The following EPB41L2 variants were observed in gnomAD, a reference collection of about 807,000 sequenced individuals.
EPB41L2 encodes the protein erythrocyte membrane protein band 4.1 like 2, also known as band 4.1-like protein 2.
In EPB41L2, 43 loss-of-function variants were observed where a neutral mutation model predicts 113.0. The observed-to-expected ratio is 0.38, with a 90% CI of 0.30 to 0.49. The LOEUF (loss-of-function observed/expected upper bound fraction) is 0.49. Among genes scored for constraint, EPB41L2 ranks in the 20% least tolerant of loss-of-function variants. EPB41L2 has a pLI of 0.95. For missense variants in EPB41L2, 1,147 were observed against 1,223.4 expected, an observed-to-expected ratio of 0.94 and a Z score of 0.93; for synonymous variants, 442 against 436.7, an observed-to-expected ratio of 1.01 and a Z score of -0.15.
At chr6:130,912,315 G>A (rs916113137) in intron 4 of EPB41L2, among the ~76,000 whole-genome samples, 1 of 152,176 alleles carries the variant, frequency 6.6e-6, no homozygotes, top group Non-Finnish European at 1.5e-5. Context: ...TTAGTACACA[G>A]AAAATAACCT....
intron 12 of EPB41L2, chr6:130,882,092 C>T (rs1219191919): frequency 6.6e-6 from 1 of 152,100 alleles, no homozygotes; most frequent in Non-Finnish European, 1.5e-5. Context: ...CAGTTATGTC[C>T]ACTGCATCCT....
intron 1 of EPB41L2, among the ~76,000 whole-genome samples, chr6:131,010,997 T>G (rs896058181): frequency 6.6e-6 from 1 of 152,178 alleles, no homozygotes; most frequent in Non-Finnish European, 1.5e-5. Context: ...GCACCCTGAC[T>G]TTTCATCAGC....
chr6:130,968,379 G>T (rs1315057966), intron 1 of EPB41L2, among the ~76,000 whole-genome samples: 2 of 152,188 alleles, frequency 1.3e-5, no homozygotes, highest in African/African-American at 4.8e-5. Context: ...GCTTTGGAAT[G>T]CTGTAGTCAA....
intron 1 of EPB41L2, among the ~76,000 whole-genome samples, chr6:130,996,320 T>C (rs1783088258): frequency 6.6e-6 from 1 of 152,204 alleles, no homozygotes. Context: ...AACCCCTGTG[T>C]ACCTCTGCCC....
chr6:130,915,290 G>A (rs528109949), intron 4 of EPB41L2, among the ~76,000 whole-genome samples: 7 of 152,236 alleles, frequency 4.6e-5, no homozygotes, highest in South Asian at 4.2e-4. Flanking sequence ...GCGACAGAGC[G>A]AGACTCCGTC....
At position 130,911,293 on chromosome 6, in the gene EPB41L2, C is replaced by T. The variant is rs536696662; in HGVS notation, c.811-2430G>A. The stretch of plus-strand genomic sequence containing the variant: ...CACAGGAACAGAAAACCTGCATATT[C>T]GCACTCATAAGTGGGAGCTGAACAA... On this transcript the variant is annotated intron_variant, in intron 4 of 19. Coordinates refer to ENST00000337057, the MANE Select transcript of EPB41L2 (RefSeq NM_001431.4). Among the ~76,000 whole-genome samples the T allele has an allele frequency of 1.1e-4, 16 of 152,254 alleles. 1 individual carries two copies. Among genetic ancestry groups the T allele is most frequent in the African/African-American group, 3.9e-4 (16 of 41,534 alleles).
intron 1 of EPB41L2, among the ~76,000 whole-genome samples, chr6:130,982,285 T>C (rs541433511): frequency 2.8e-4 from 42 of 152,206 alleles, no homozygotes; most frequent in Non-Finnish European, 5.3e-4. Flanking sequence ...CAATAACCAC[T>C]TCTCTAGTTT....
intron 4 of EPB41L2, among the ~76,000 whole-genome samples, chr6:130,920,036 TA>T (rs1458192520): frequency 1.3e-5 from 2 of 152,168 alleles, no homozygotes; most frequent in African/African-American, 4.8e-5. Flanking sequence ...CAGGATGACA[TA>T]ACATCTTTAT....
At chr6:130,927,744 C>T (rs1320602302) in intron 3 of EPB41L2, among the ~76,000 whole-genome samples, 1 of 152,130 alleles carries the variant, frequency 6.6e-6, no homozygotes, top group Non-Finnish European at 1.5e-5. Flanking sequence ...AGAATTGCAT[C>T]AAATTGTAAA....
intron 1 of EPB41L2, among the ~76,000 whole-genome samples, chr6:130,961,583 T>C (rs1773546221): frequency 6.6e-6 from 1 of 152,200 alleles, no homozygotes; most frequent in African/African-American, 2.4e-5. Context: ...GCAAAGCAGA[T>C]ACACAACCTC....
chr6:130,883,842 T>C (rs1419923287), intron 12 of EPB41L2, among the ~76,000 whole-genome samples: 1 of 152,200 alleles, frequency 6.6e-6, no homozygotes, highest in Admixed American at 6.5e-5. Flanking sequence ...GGAATGTCGA[T>C]GATTTGATGT....
At chr6:130,926,080 G>C (rs1007407955) in intron 4 of EPB41L2, among the ~76,000 whole-genome samples, 6 of 152,172 alleles carry the variant, frequency 3.9e-5, no homozygotes, top group African/African-American at 1.4e-4. Flanking sequence ...TTGAATGTTA[G>C]ATCATGGAGA....
intron 1 of EPB41L2, among the ~76,000 whole-genome samples, chr6:131,029,549 A>T (rs1791629613): frequency 6.6e-6 from 1 of 152,216 alleles, no homozygotes; most frequent in African/African-American, 2.4e-5. Flanking sequence ...CGCAGAAAGG[A>T]TTCAACATTA....
In EPB41L2 at chr6:130,933,965, C is replaced by T. The variant is rs183144536; in HGVS notation, c.706-7256G>A. Among the ~76,000 whole-genome samples the T allele has an allele frequency of 2.6e-3, 402 of 152,140 alleles. 8 individuals carry two copies. The highest frequency in any genetic ancestry group is 0.024 in the Admixed American group (367 of 15,270). ...GTGCTGAGGAGACGATGATGGGAAG[C>T]GCACAATGCAATCTATACATTACAG... On this transcript the variant is annotated intron_variant, in intron 3 of 19. Coordinates refer to ENST00000337057, the MANE Select transcript of EPB41L2 (RefSeq NM_001431.4).
intron 4 of EPB41L2, among the ~76,000 whole-genome samples, chr6:130,921,308 A>C (rs1187957293): frequency 1.3e-5 from 2 of 152,184 alleles, no homozygotes; most frequent in Non-Finnish European, 2.9e-5. Context: ...ATGAGATACA[A>C]GATCCAAAGA....
At chr6:131,061,452 A>T (rs966918217) in intron 1 of EPB41L2, among the ~76,000 whole-genome samples, 1 of 152,238 alleles carries the variant, frequency 6.6e-6, no homozygotes, top group Non-Finnish European at 1.5e-5. Context: ...GACACAGCAT[A>T]GCTCTTCAAA....
chr6:130,927,833 C>T (rs1489732833), intron 3 of EPB41L2, among the ~76,000 whole-genome samples: 1 of 152,198 alleles, frequency 6.6e-6, no homozygotes, highest in East Asian at 1.9e-4. Context: ...TAGCTCACGC[C>T]TGTAATCCCA....
intron 1 of EPB41L2, among the ~76,000 whole-genome samples, chr6:130,964,687 A>AACAGTAATCAC (rs1774564063): frequency 6.6e-6 from 1 of 152,186 alleles, no homozygotes; most frequent in Non-Finnish European, 1.5e-5. Context: ...TGGTAGTAAT[A>AACAGTAATCAC]ACAGTAATCA....
intron 1 of EPB41L2, among the ~76,000 whole-genome samples, chr6:130,992,441 G>A (rs1424961415): frequency 1.3e-5 from 2 of 151,980 alleles, no homozygotes; most frequent in African/African-American, 4.8e-5. Context: ...GGTAGTCAAT[G>A]GAACATTTTA....
Sources: allele counts gnomAD v4.1 joint callset (sites outside exome capture counted in the v4.1 genomes callset), GRCh38; gene constraint gnomAD v4.1.1; transcripts MANE v1.5; gene names NCBI Gene and HGNC (gene_info 2026-07-23, HGNC 2026-07-21).